Variants in ZNF670 observed in about 807,000 individuals in gnomAD.
The protein encoded by ZNF670 is zinc finger protein 670.
A neutral mutation model predicts 10.9 loss-of-function variants in ZNF670; 7 were observed. The observed-to-expected ratio is 0.64, with a 90% CI of 0.36 to 1.20. The LOEUF is 1.20. ZNF670 is among the 50% of genes most tolerant of loss of function. The pLI is 0.02. For synonymous variants in ZNF670, 136 were observed against 152.7 expected (o/e 0.89, Z 0.81); for missense variants, 446 against 458.6 (o/e 0.97, Z 0.25).
intron 1 of ZNF670, among the ~76,000 whole-genome samples, chr1:247,072,398 G>A (rs1045469647): frequency 4.0e-5 from 6 of 150,280 alleles, no homozygotes; most frequent in Admixed American, 2.0e-4. Context: ...CAAGTGATCC[G>A]CCCACATCAG....
chr1:247,048,222 T>C (rs1670504818), intron 1 of ZNF670, among the ~76,000 whole-genome samples: 1 of 152,218 alleles, frequency 6.6e-6, no homozygotes, highest in African/African-American at 2.4e-5. Flanking sequence ...CTTTGCTCTT[T>C]AGAAATTTCC....
At chr1:247,063,691 T>C (rs1670917461) in intron 1 of ZNF670, among the ~76,000 whole-genome samples, 1 of 150,620 alleles carries the variant, frequency 6.6e-6, no homozygotes, top group Admixed American at 6.6e-5. Context: ...TTTTCATACA[T>C]CTTGAAGATT....
intron 1 of ZNF670, among the ~76,000 whole-genome samples, chr1:247,067,757 G>C (rs1186331659): frequency 2.1e-5 from 3 of 143,968 alleles, no homozygotes; most frequent in African/African-American, 5.1e-5. Context: ...CAGGAGAATG[G>C]CGTGAACCCG....
intron 1 of ZNF670, among the ~76,000 whole-genome samples, chr1:247,053,607 G>A (rs1670649108): frequency 6.6e-6 from 1 of 152,346 alleles, no homozygotes; most frequent in South Asian, 2.1e-4. Context: ...CTGCACTCCA[G>A]CCTGGGCAAC....
intron 1 of ZNF670, among the ~76,000 whole-genome samples, chr1:247,064,611 A>G (rs1204063174): frequency 6.6e-6 from 1 of 152,128 alleles, no homozygotes; most frequent in Non-Finnish European, 1.5e-5. Context: ...GGGGCACAGC[A>G]TGGACAGGAA....
At chr1:247,055,900 T>C (rs973056653) in intron 1 of ZNF670, among the ~76,000 whole-genome samples, 11 of 151,988 alleles carry the variant, frequency 7.2e-5, no homozygotes, top group Non-Finnish European at 1.0e-4. Context: ...ACAAAAACTA[T>C]AAAAAGAGAC....
chr1:247,044,700 T>C (rs1427831620), intron 1 of ZNF670, among the ~76,000 whole-genome samples: 3 of 152,102 alleles, frequency 2.0e-5, no homozygotes, highest in Admixed American at 6.6e-5. Context: ...AATTAATGCA[T>C]TGACAGAAAA....
rs370789578 is a variant in ZNF670, at chr1:247,054,196, G to C, written c.4-14659C>G. ...GTTCTAGCGGGCCTCAACACCAGGG[G>C]CTAAAGTGCTCTGCGGCCCTAAATA... On this transcript the variant is annotated intron_variant, in intron 1 of 3. Coordinates refer to ENST00000366503, the MANE Select transcript of ZNF670 (RefSeq NM_033213.5). Among the ~76,000 whole-genome samples, 4 of 152,306 alleles carry C rather than the reference G, an allele frequency of 2.6e-5. No homozygotes were observed. The East Asian group carries it at 5.8e-4, about 22-fold the overall frequency.
At chr1:247,058,553 A>G (rs897114004) in intron 1 of ZNF670, among the ~76,000 whole-genome samples, 1 of 152,154 alleles carries the variant, frequency 6.6e-6, no homozygotes, top group African/African-American at 2.4e-5. Flanking sequence ...CAAGAAGTCA[A>G]TACAGAAAAT....
chr1:247,067,215 C>T (rs889237018), intron 1 of ZNF670, among the ~76,000 whole-genome samples: 1 of 151,584 alleles, frequency 6.6e-6, no homozygotes, highest in South Asian at 2.1e-4. Flanking sequence ...GTGGGTGGGT[C>T]ACCTGAGGTC....
Position 247,037,650 on chromosome 1 carries a change from G to C in ZNF670, c.969C>G (p.Asn323Lys), listed in dbSNP as rs1249537356. 2 of 1,613,808 alleles carry C rather than the reference G, an allele frequency of 1.2e-6. No individual in the cohort carries two copies. The highest frequency in any genetic ancestry group is 2.2e-5 in the South Asian group (2 of 91,044). The change falls in exon 4 of 4, where the codon AAC becomes AAG. Residue 323 changes from asparagine to lysine, a missense_variant. By Grantham distance (94) the Asn-to-Lys change is moderately conservative. Coordinates refer to ENST00000366503, the MANE Select transcript of ZNF670 (RefSeq NM_033213.5). Reference sequence around the variant, plus strand: ...TGTGAGTTCTTTCATGCTCACATAGGTTACTAGAATATTTGAAGGCTTTAC... The same window carrying C: ...TGTGAGTTCTTTCATGCTCACATAGCTTACTAGAATATTTGAAGGCTTTAC... ...QCGKAFKYSSNLCEHERTHTG... is the reference protein window; with the variant it reads ...QCGKAFKYSSKLCEHERTHTG...
intron 1 of ZNF670, among the ~76,000 whole-genome samples, chr1:247,070,980 G>A (rs1379337694): frequency 1.3e-5 from 2 of 152,180 alleles, no homozygotes; most frequent in African/African-American, 2.4e-5. Flanking sequence ...AGATGTTTGC[G>A]AGGTTGCAGA....
chr1:247,035,532 G>A lies in ZNF670; in HGVS notation c.*1917C>T, dbSNP rs1439169678. The stretch of plus-strand genomic sequence containing the variant: ...GCTACAGACTGATAAGATCAAAATA[G>A]TATGTTATAATGCCATAATCCTGTA... On this transcript the variant is annotated 3_prime_UTR_variant, in exon 4 of 4. Coordinates refer to ENST00000366503, the MANE Select transcript of ZNF670 (RefSeq NM_033213.5). Among the ~76,000 whole-genome samples, 2 of 152,136 alleles carry A rather than the reference G, an allele frequency of 1.3e-5. No individual in the cohort carries two copies. The highest frequency in any genetic ancestry group is 2.9e-5 in the Non-Finnish European group (2 of 68,026).
At chr1:247,050,081 G>C (rs2103058549) in intron 1 of ZNF670, among the ~76,000 whole-genome samples, 1 of 152,086 alleles carries the variant, frequency 6.6e-6, no homozygotes, top group South Asian at 2.1e-4. Context: ...TTTTTTTGTT[G>C]GCTTTCTGTC....
chr1:247,062,805 A>G (rs1670888396), intron 1 of ZNF670, among the ~76,000 whole-genome samples: 1 of 152,174 alleles, frequency 6.6e-6, no homozygotes, highest in Admixed American at 6.5e-5. Flanking sequence ...GCACAGAACC[A>G]GCTGCTCCAC....
rs187036395 is a variant in ZNF670, at chr1:247,060,887, C to T, written c.3+17707G>A. On this transcript the variant is annotated intron_variant, in intron 1 of 3. Coordinates refer to ENST00000366503, the MANE Select transcript of ZNF670 (RefSeq NM_033213.5). ...CCTTGAGAAATCATTTTAAGTAAGG[C>T]GTGCAGTGTGAAGGTTTCTTCCAAG... Among the ~76,000 whole-genome samples, 88 of 152,206 alleles carry T rather than the reference C, an allele frequency of 5.8e-4. 1 individual carries two copies. The highest frequency in any genetic ancestry group is 1.1e-3 in the Non-Finnish European group (75 of 68,004).
intron 1 of ZNF670, among the ~76,000 whole-genome samples, chr1:247,071,250 G>C (rs79637946): frequency 0.027 from 4,063 of 152,240 alleles, 201 homozygotes; most frequent in African/African-American, 0.092. Context: ...AATGGATAAA[G>C]AATATGTGGT....
Position 247,037,255 on chromosome 1 carries a change from C to G in ZNF670, c.*194G>C, listed in dbSNP as rs1007375321. The G allele has an allele frequency of 5.7e-5, 31 of 544,668 alleles. No homozygotes were observed. The highest frequency in any genetic ancestry group is 8.6e-5 in the Non-Finnish European group (29 of 338,006). 33.7% of individuals were successfully genotyped at this position (544,668 alleles called of 1,614,324 possible). The stretch of plus-strand genomic sequence containing the variant: ...CACATTTTTCGTATTTTATGACGTT[C>G]TTTCCCAGGACGGGTCCTTCTAAGT... On this transcript the variant is annotated 3_prime_UTR_variant, in exon 4 of 4. Transcript: ENST00000366503.
chr1:247,046,107 A>C (rs1266675440), intron 1 of ZNF670, among the ~76,000 whole-genome samples: 3 of 151,978 alleles, frequency 2.0e-5, no homozygotes, highest in African/African-American at 7.2e-5. Context: ...AAGTGATTTA[A>C]AGTTGAAACA....
Sources: allele counts gnomAD v4.1 joint callset (sites outside exome capture counted in the v4.1 genomes callset), GRCh38; gene constraint gnomAD v4.1.1; transcripts MANE v1.5; gene names NCBI Gene and HGNC (gene_info 2026-07-23, HGNC 2026-07-21).